WDR44: variants seen among roughly 807,000 people sequenced by gnomAD.
The protein encoded by WDR44 is WD repeat-containing protein 44.
WDR44 carries 9 observed loss-of-function variants against 65.7 expected under a neutral mutation model. The observed-to-expected ratio is 0.14, with a 90% CI of 0.08 to 0.24. The LOEUF (loss-of-function observed/expected upper bound fraction) is 0.24. WDR44 is among the 10% of genes least tolerant of loss of function. The probability of loss-of-function intolerance (pLI) is 1.00; values close to 1 mark genes in which losing one functional copy is unlikely to be tolerated. For missense variants in WDR44, 425 were observed against 670.9 expected (o/e 0.63, Z 4.05); for synonymous variants, 220 against 235.2 (o/e 0.94, Z 0.59).
At chrX:118,443,716 TATAAG>T (rs745338912) in intron 18 of WDR44, 29 bp downstream of exon 18, 50 of 1,171,115 alleles carry the variant, frequency 4.3e-5, no homozygotes, top group Non-Finnish European at 4.8e-5. Flanking sequence ...TTGTGTGTCT[TATAAG>T]AGAATCAAGT....
In WDR44 at chrX:118,449,036, C is replaced by A; in HGVS notation, c.*49C>A. 2 of 832,763 alleles carry A rather than the reference C, an allele frequency of 2.4e-6. No individual in the cohort carries two copies. Among genetic ancestry groups the A allele is most frequent in the African/African-American group, 2.1e-5 (1 of 48,570 alleles). The allele number at this position is 832,763 out of a possible 1,213,427, so 68.6% of individuals were successfully genotyped here. On this transcript the variant is annotated 3_prime_UTR_variant, in exon 20 of 20. Coordinates refer to ENST00000254029, the MANE Select transcript of WDR44 (RefSeq NM_019045.5). ...CATATCAGTAAGTTTCTATATGTAT[C>A]AAAACTGAAAAAATAGTGTTCCAGG...
In WDR44 at chrX:118,442,335, G is replaced by C; in HGVS notation, c.2258G>C (p.Gly753Ala). The change falls in exon 16 of 20, where the codon GGA becomes GCA. Residue 753 changes from glycine to alanine, a missense_variant. By Grantham distance (60) the Gly-to-Ala change is moderately conservative. Transcript: ENST00000254029. The part of the protein sequence containing the change: ...RKITGIEPLP[G>A]ENKILVTSND... ...ATTACTGGCATTGAGCCTTTACCTG[G>C]AGAAAATAAGGTACTACAGTATTCA... 1 of 1,194,072 alleles carries C rather than the reference G, an allele frequency of 8.4e-7. No individual in the cohort carries two copies. The highest frequency in any genetic ancestry group is 1.1e-6 in the Non-Finnish European group (1 of 879,311).
chrX:118,423,796 T>C (rs1223082396), intron 12 of WDR44, among the ~76,000 whole-genome samples: 1 of 112,203 alleles, frequency 8.9e-6, no homozygotes, highest in Non-Finnish European at 1.9e-5. Context: ...ACTGTTCTAC[T>C]CTGCTTCTAT....
At chrX:118,446,272 AAGACTCTGTCTAAAAATATATAT>A (rs2057345671) in intron 19 of WDR44, among the ~76,000 whole-genome samples, 1 of 109,923 alleles carries the variant, frequency 9.1e-6, no homozygotes, top group South Asian at 3.9e-4. Flanking sequence ...GTGACACAGC[AAGACTCTGTCTAAAAATATATAT>A]ATATGGCAGG....
rs138937527 is a variant in WDR44 at position 118,382,478 on chromosome X, T to G, written c.111+4026T>G. ...AGCAAAAAAAGAGTGGAAGTCACATTTATAAGTTTTTCTCCTTTTTTAAAA... is the reference window on the plus strand; with the variant it reads ...AGCAAAAAAAGAGTGGAAGTCACATGTATAAGTTTTTCTCCTTTTTTAAAA... On this transcript the variant is annotated intron_variant, in intron 2 of 19. Coordinates refer to ENST00000254029, the MANE Select transcript of WDR44 (RefSeq NM_019045.5). Among the ~76,000 whole-genome samples the G allele has an allele frequency of 3.9e-3, 434 of 112,272 alleles. 3 individuals are homozygous for G. Among genetic ancestry groups the G allele is most frequent in the Admixed American group, 0.034 (353 of 10,526 alleles).
chrX:118,442,154 G>A (rs56715055), intron 15 of WDR44, 90 bp from the exon 16 acceptor site: 106,091 of 780,014 alleles, frequency 0.14, 6,156 homozygotes, highest in Admixed American at 0.34. Flanking sequence ...CAGTCCTCCT[G>A]CCTCAGCCTC....
intron 12 of WDR44, among the ~76,000 whole-genome samples, chrX:118,424,197 A>G (rs1252792123): frequency 9.5e-6 from 1 of 105,819 alleles, no homozygotes; most frequent in Non-Finnish European, 1.9e-5. Flanking sequence ...TAGTAGGTGC[A>G]CCAATTTACA....
intron 14 of WDR44, among the ~76,000 whole-genome samples, chrX:118,439,463 C>G (rs185754789): frequency 1.3e-3 from 145 of 109,779 alleles, no homozygotes; most frequent in Non-Finnish European, 2.3e-3. Context: ...ATAATCCCAG[C>G]TACTCAGGAG....
At chrX:118,355,792 G>T (rs759080311) in intron 1 of WDR44, among the ~76,000 whole-genome samples, 1 of 111,104 alleles carries the variant, frequency 9.0e-6, no homozygotes, top group South Asian at 3.8e-4. Context: ...GAACTTCCTG[G>T]TTCTCTCCAA....
chrX:118,444,582 T>C, intron 19 of WDR44, 88 bp downstream of exon 19: 1 of 1,013,560 alleles, frequency 9.9e-7, no homozygotes. Flanking sequence ...TTTTCACTAG[T>C]ATAAAGAATA....
At position 118,360,725 on chromosome X, in the gene WDR44, TC is replaced by T. The variant is rs137908211; in HGVS notation, c.77+14147del. Among the ~76,000 whole-genome samples the T allele has an allele frequency of 4.4e-3, 500 of 112,486 alleles. 3 individuals are homozygous for T. Among genetic ancestry groups the T allele is most frequent in the Non-Finnish European group, 7.2e-3 (386 of 53,257 alleles). On this transcript the variant is annotated intron_variant, in intron 1 of 19. Transcript: ENST00000254029. ...TATTCTTTGCTTTGCTTGATTCAGTTCCTTGGTGCACTGCTTAAGCTCATCT... is the reference window on the plus strand; with the variant it reads ...TATTCTTTGCTTTGCTTGATTCAGTTCTTGGTGCACTGCTTAAGCTCATCT...
chrX:118,387,655 T>C (rs1283916905), intron 3 of WDR44, among the ~76,000 whole-genome samples: 1 of 112,042 alleles, frequency 8.9e-6, no homozygotes, highest in Non-Finnish European at 1.9e-5. Flanking sequence ...TTATTTTTTG[T>C]TCTTGTATTT....
intron 19 of WDR44, among the ~76,000 whole-genome samples, chrX:118,447,778 T>C (rs1474794525): frequency 9.5e-6 from 1 of 105,118 alleles, no homozygotes; most frequent in Non-Finnish European, 1.9e-5. Flanking sequence ...GAGGCTGAGG[T>C]GGAAGGATCC....
At chrX:118,368,111 C>T (rs1041702727) in intron 1 of WDR44, among the ~76,000 whole-genome samples, 1 of 111,279 alleles carries the variant, frequency 9.0e-6, no homozygotes, top group African/African-American at 3.3e-5. Flanking sequence ...AAAGTGTAGC[C>T]ATCTAAGAAG....
intron 10 of WDR44, among the ~76,000 whole-genome samples, chrX:118,408,754 G>A (rs2056988940): frequency 1.8e-5 from 2 of 111,785 alleles, no homozygotes; most frequent in African/African-American, 6.5e-5. Context: ...CACTGCCAAG[G>A]TGGGCTTTAG....
At chrX:118,444,606 T>C (rs1437719163) in intron 19 of WDR44, 112 bp downstream of exon 19, 154 of 838,944 alleles carry the variant, frequency 1.8e-4, no homozygotes, top group Non-Finnish European at 6.4e-5. Context: ...CTTTTTTCTT[T>C]TTTCTTAAGA....
intron 12 of WDR44, among the ~76,000 whole-genome samples, chrX:118,422,000 A>G (rs1374969620): frequency 8.9e-6 from 1 of 111,912 alleles, no homozygotes; most frequent in African/African-American, 3.2e-5. Context: ...TAAGTATGCT[A>G]TGTACCTAGA....
At chrX:118,362,401 GT>G (rs2056519438) in intron 1 of WDR44, among the ~76,000 whole-genome samples, 1 of 111,691 alleles carries the variant, frequency 9.0e-6, no homozygotes, top group Non-Finnish European at 1.9e-5. Context: ...ACTGAGGACA[GT>G]TTCAGTGATT....
At chrX:118,441,188 G>C (rs752712657) in intron 14 of WDR44, among the ~76,000 whole-genome samples, 180 bp from the exon 15 acceptor site, 8 of 110,422 alleles carry the variant, frequency 7.2e-5, no homozygotes, top group Non-Finnish European at 1.1e-4. Context: ...TCGATCTCTT[G>C]ACCTTGTGAT....
Sources: allele counts gnomAD v4.1 joint callset (sites outside exome capture counted in the v4.1 genomes callset), GRCh38; gene constraint gnomAD v4.1.1; transcripts MANE v1.5; gene names NCBI Gene and HGNC (gene_info 2026-07-23, HGNC 2026-07-21).